The following SLC12A2 variants were observed in gnomAD, a reference collection of about 807,000 sequenced individuals.
The protein encoded by SLC12A2 is Na-K-2Cl cotransporter 1.
SLC12A2 carries 67 observed loss-of-function variants against 136.3 expected under a neutral mutation model. That is an observed-to-expected ratio of 0.49 (90% CI 0.40 to 0.60). The LOEUF (loss-of-function observed/expected upper bound fraction) is 0.60, where lower values mean the gene tolerates loss of function less well. SLC12A2 is among the 20% of genes least tolerant of loss of function. The probability of loss-of-function intolerance (pLI) is 0.00; values close to 1 mark genes in which losing one functional copy is unlikely to be tolerated. For synonymous variants in SLC12A2, 619 were observed against 562.9 expected, an observed-to-expected ratio of 1.10 and a Z score of -1.41; for missense variants, 1,322 against 1,534.7, an observed-to-expected ratio of 0.86 and a Z score of 2.32.
intron 18 of SLC12A2, 117 bp downstream of exon 18, chr5:128,167,984 C>A: frequency 9.0e-6 from 5 of 555,824 alleles, no homozygotes; most frequent in South Asian, 6.0e-5. Flanking sequence ...AATATAAGAA[C>A]GAAAAGAATC....
chr5:128,140,685 A>G (rs1762334663), intron 9 of SLC12A2, among the ~76,000 whole-genome samples: 1 of 152,012 alleles, frequency 6.6e-6, no homozygotes, highest in African/African-American at 2.4e-5. Flanking sequence ...GTTAAGCTCA[A>G]AGAAGTGGAA....
rs1246574135 is a variant in SLC12A2 at position 128,174,533 on chromosome 5, G to A, written c.2804-8G>A. The stretch of plus-strand genomic sequence containing the variant: ...TAGATACTATTTTAAATAATTTTCT[G>A]TCTACAGAAGAATTATTGTCATCAC... On this transcript the variant is annotated splice_polypyrimidine_tract_variant and splice_region_variant and intron_variant, in intron 19 of 26. Coordinates refer to ENST00000262461, the MANE Select transcript of SLC12A2 (RefSeq NM_001046.3). 1 of 1,590,010 alleles carries A rather than the reference G, an allele frequency of 6.3e-7. No homozygotes were observed. Among genetic ancestry groups the A allele is most frequent in the East Asian group, 2.3e-5 (1 of 44,190 alleles).
At chr5:128,122,706 C>T (rs1425869994) in intron 4 of SLC12A2, among the ~76,000 whole-genome samples, 2 of 152,078 alleles carry the variant, frequency 1.3e-5, no homozygotes, top group East Asian at 1.9e-4. Flanking sequence ...ACTTTTTCCA[C>T]GTACTGTGAC....
chr5:128,143,904 TTATAATAAAATTATTTATTATAAA>T (rs1330209622), intron 10 of SLC12A2, among the ~76,000 whole-genome samples: 2 of 142,212 alleles, frequency 1.4e-5, no homozygotes, highest in East Asian at 3.9e-4. Context: ...ATAAAATTAT[TTATAATAAAATTATTTATTATAAA>T]TATAATAAAA....
rs1288348339 is a variant in SLC12A2 at position 128,112,794 on chromosome 5, A to G, written c.757-20A>G. 3 of 1,576,244 alleles carry G rather than the reference A, an allele frequency of 1.9e-6. No homozygotes were observed. The highest frequency in any genetic ancestry group is 2.6e-6 in the Non-Finnish European group (3 of 1,158,216). On this transcript the variant is annotated intron_variant, in intron 1 of 26. Transcript: ENST00000262461. ...AAATTTTAAATGTTAAGCATAATTC[A>G]TATTTCTTTTTATAACCAGGAACCT...
intron 4 of SLC12A2, among the ~76,000 whole-genome samples, chr5:128,122,471 G>A (rs1027589218): frequency 6.6e-6 from 1 of 152,168 alleles, no homozygotes; most frequent in Admixed American, 6.5e-5. Context: ...ATGCAACATT[G>A]TGGTTAGTCA....
intron 4 of SLC12A2, among the ~76,000 whole-genome samples, chr5:128,128,286 T>C (rs1262067607): frequency 6.6e-6 from 1 of 152,110 alleles, no homozygotes; most frequent in African/African-American, 2.4e-5. Context: ...TTAATAAGAA[T>C]TACCAGGGCA....
At chr5:128,162,110 C>T (rs1763059369) in intron 17 of SLC12A2, among the ~76,000 whole-genome samples, 1 of 152,092 alleles carries the variant, frequency 6.6e-6, no homozygotes, top group South Asian at 2.1e-4. Flanking sequence ...AGAGTATTGT[C>T]TTCTGATCCG....
intron 1 of SLC12A2, among the ~76,000 whole-genome samples, chr5:128,090,344 A>G (rs1760263220): frequency 6.6e-6 from 1 of 152,162 alleles, no homozygotes; most frequent in African/African-American, 2.4e-5. Flanking sequence ...GTGAGACTAG[A>G]ATTTAAAGGA....
At chr5:128,147,838 C>T (rs1762578581) in intron 11 of SLC12A2, 109 bp downstream of exon 11, 5 of 600,572 alleles carry the variant, frequency 8.3e-6, no homozygotes, top group Non-Finnish European at 1.2e-5. Context: ...ACCATATATA[C>T]ATATATATGA....
rs2126765817 is a variant in SLC12A2 at position 128,188,783 on chromosome 5, C to G, written c.*2152C>G. ...CTACATTATAACTCACAGCATTGTT[C>G]CATTGCAGGTTTTGCAATGTTTGGG... On this transcript the variant is annotated 3_prime_UTR_variant, in exon 27 of 27. Transcript: ENST00000262461. The G allele has an allele frequency of 6.6e-6, 1 of 151,454 alleles. No individual in the cohort carries two copies. The highest frequency in any genetic ancestry group is 2.1e-4 in the South Asian group (1 of 4,768). The allele number at this position is 151,454 out of a possible 1,614,324, so 9.4% of individuals were successfully genotyped here. A position where few individuals can be genotyped will look rare whatever the true frequency, so the allele number is the denominator to read the frequency against.
At chr5:128,146,769 G>T (rs1346559736) in intron 10 of SLC12A2, among the ~76,000 whole-genome samples, 3 of 151,476 alleles carry the variant, frequency 2.0e-5, no homozygotes, top group Non-Finnish European at 3.0e-5. Context: ...AAGATAAAAG[G>T]TTAGAAAAAA....
Position 128,171,653 on chromosome 5 carries a change from T to A in SLC12A2, c.2724-14T>A. 1 of 1,556,212 alleles carries A rather than the reference T, an allele frequency of 6.4e-7. No homozygotes were observed. The highest frequency in any genetic ancestry group is 8.7e-7 in the Non-Finnish European group (1 of 1,154,652). ...TTTTTTTGGTTTTTTCATTTTTTGT[T>A]TTTTTGTTCTTAGTGATGCTTTTGA... is the stretch of plus-strand genomic sequence containing the variant. On this transcript the variant is annotated splice_polypyrimidine_tract_variant and intron_variant, in intron 18 of 26. Transcript: ENST00000262461.
Position 128,135,718 on chromosome 5 carries a change from G to A in SLC12A2, c.1318G>A (p.Val440Met), listed in dbSNP as rs372943536. 7 of 1,609,198 alleles carry A rather than the reference G, an allele frequency of 4.3e-6. No homozygotes were observed. Among genetic ancestry groups the A allele is most frequent in the Non-Finnish European group, 6.0e-6 (7 of 1,176,316 alleles). The change falls in exon 7 of 27, where the codon GTG becomes ATG. Residue 440 changes from valine to methionine, a missense_variant. Physicochemically the swap from Val to Met is conservative, Grantham distance 21 (BLOSUM62 1). Around this residue, in one of 8 missense-constraint regions of SLC12A2, gnomAD observed 110 missense variants for 114.5 expected, o/e 0.96. Coordinates refer to ENST00000262461, the MANE Select transcript of SLC12A2 (RefSeq NM_001046.3). ...WEAKAQIVLL[V>M]ILLLAIGDFV... ...ATTGCAGGCTCAGATTGTTCTTTTG[G>A]TGATCCTACTTCTTGCTATTGGTGA... is the stretch of plus-strand genomic sequence containing the variant.
intron 6 of SLC12A2, 65 bp from the exon 7 acceptor site, chr5:128,135,634 AG>A: frequency 9.7e-7 from 1 of 1,032,702 alleles, no homozygotes; most frequent in South Asian, 1.3e-5. Flanking sequence ...GTTATATTCT[AG>A]GGGAATTGAA....
chr5:128,135,053 C>G (rs939423889), intron 6 of SLC12A2, among the ~76,000 whole-genome samples: 2 of 152,026 alleles, frequency 1.3e-5, no homozygotes, highest in Non-Finnish European at 2.9e-5. Flanking sequence ...TTTATACCAC[C>G]TGGGACATGA....
intron 1 of SLC12A2, among the ~76,000 whole-genome samples, chr5:128,087,848 A>G (rs1054948850): frequency 2.6e-5 from 4 of 152,080 alleles, no homozygotes; most frequent in African/African-American, 9.7e-5. Flanking sequence ...TAGATTTTGA[A>G]CTTGAGAAAC....
At chr5:128,158,304 A>T in intron 16 of SLC12A2, 140 bp downstream of exon 16, 1 of 657,574 alleles carries the variant, frequency 1.5e-6, no homozygotes, top group Non-Finnish European at 2.6e-6. Flanking sequence ...TCACCCAGGT[A>T]ATAAGCATAG....
chr5:128,112,765 T>C, intron 1 of SLC12A2, 49 bp from the exon 2 acceptor site: 1 of 1,429,152 alleles, frequency 7.0e-7, no homozygotes, highest in Non-Finnish European at 9.7e-7. Flanking sequence ...TATCAAGTGA[T>C]TTTAAATTTT....
Sources: gnomAD v4.1 joint callset for allele counts (sites outside exome capture counted in the v4.1 genomes callset) on GRCh38, gnomAD v4.1.1 for gene constraint, gnomAD v4.1.1 regional missense constraint, MANE v1.5 for transcripts, NCBI Gene and HGNC (gene_info 2026-07-23, HGNC 2026-07-21) for gene names.